ATAD2: variants seen among roughly 807,000 people sequenced by gnomAD.
The protein encoded by ATAD2 is ATPase family AAA domain-containing protein 2.
A neutral mutation model predicts 168.9 loss-of-function variants in ATAD2; 62 were observed. The observed-to-expected ratio is 0.37, with a 90% confidence interval of 0.30 to 0.45. ATAD2 has a LOEUF of 0.45. Among genes scored for constraint, ATAD2 ranks in the 20% least tolerant of loss-of-function variants. ATAD2 has a pLI of 1.00. For missense variants in ATAD2, 1,419 were observed against 1,667.8 expected, an observed-to-expected ratio of 0.85 and a Z score of 2.60; for synonymous variants, 613 against 571.6, an observed-to-expected ratio of 1.07 and a Z score of -1.03.
chr8:123,415,032 T>A (rs1813226546), intron 1 of ATAD2, among the ~76,000 whole-genome samples: 1 of 152,216 alleles, frequency 6.6e-6, no homozygotes, highest in South Asian at 2.1e-4. Flanking sequence ...GAGGTTCTGT[T>A]TTGATGTGTT....
chr8:123,355,260 C>G (rs1828605055), intron 13 of ATAD2, among the ~76,000 whole-genome samples: 1 of 152,160 alleles, frequency 6.6e-6, no homozygotes, highest in South Asian at 2.1e-4. Flanking sequence ...ACCCACCTAT[C>G]AATCACACAC....
At position 123,328,322 on chromosome 8, in the gene ATAD2, A is replaced by C. The variant is rs1275259177; in HGVS notation, c.3736T>G (p.Cys1246Gly). Residue 1246 changes from cysteine to glycine, a missense_variant, in exon 25 of 28, where the codon TGT becomes GGT. This residue lies in a region of ATAD2 where 303 missense variants were observed against 304.3 expected (regional missense o/e 1.00). Coordinates refer to ENST00000287394, the MANE Select transcript of ATAD2 (RefSeq NM_014109.4). Reference sequence around the variant, plus strand: ...TCTTCAAGCTCATTCTCTATATTACAAGTATTTGAATTATTTCTCAATTCC... The same window carrying C: ...TCTTCAAGCTCATTCTCTATATTACCAGTATTTGAATTATTTCTCAATTCC... ...KLELRNNSNT[C>G]NIENELEDSR... The C allele has an allele frequency of 6.2e-7, 1 of 1,606,824 alleles. No individual in the cohort carries two copies.
intron 8 of ATAD2, among the ~76,000 whole-genome samples, chr8:123,367,986 T>A (rs1257376990): frequency 6.6e-6 from 1 of 152,244 alleles, no homozygotes; most frequent in Non-Finnish European, 1.5e-5. Context: ...GTCTTACTTC[T>A]GAGAAAATTC....
At chr8:123,358,712 ATGGTACATTACTTTTTTTTTTTTTT>A (rs1413674480) in intron 11 of ATAD2, among the ~76,000 whole-genome samples, 5 of 130,326 alleles carry the variant, frequency 3.8e-5, no homozygotes, top group Admixed American at 3.3e-4. Context: ...TGATTGATAT[ATGGTACATTACTTTTTTTTTTTTTT>A]TTTTTTTTTT....
At chr8:123,368,192 TG>T in intron 8 of ATAD2, among the ~76,000 whole-genome samples, 1 of 152,022 alleles carries the variant, frequency 6.6e-6, no homozygotes, top group East Asian at 1.9e-4. Context: ...CTGAGGCGAG[TG>T]GATCACTTGA....
chr8:123,368,285 G>T (rs1829038289), intron 8 of ATAD2, among the ~76,000 whole-genome samples: 1 of 152,068 alleles, frequency 6.6e-6, no homozygotes, highest in Non-Finnish European at 1.5e-5. Flanking sequence ...GGGTGTAGTG[G>T]CAGGTACCTG....
At position 123,396,394 on chromosome 8, in the gene ATAD2, G is replaced by A. The variant is rs993009539; in HGVS notation, c.-37C>T. On this transcript the variant is annotated 5_prime_UTR_variant, in exon 1 of 28. Transcript: ENST00000287394. ...ACTGGCCTCGGCGTGCGCGACCGGA[G>A]AGAGATCCAGCTCCAGGCGCTCGCA... 2 of 1,524,586 alleles carry A rather than the reference G, an allele frequency of 1.3e-6. No homozygotes were observed. The highest frequency in any genetic ancestry group is 2.0e-5 in the Admixed American group (1 of 51,236). 94.4% of individuals were successfully genotyped at this position (1,524,586 alleles called of 1,614,324 possible).
chr8:123,378,350 A>G (rs1237440884), intron 2 of ATAD2, among the ~76,000 whole-genome samples: 3 of 152,218 alleles, frequency 2.0e-5, no homozygotes. Flanking sequence ...GAAAAAAATT[A>G]AAAACTCAAA....
Position 123,349,387 on chromosome 8 carries a change from A to G in ATAD2, c.1704T>C (p.Ile568=). Residue 568 remains isoleucine (I), a synonymous_variant, in exon 14 of 28, where the codon ATT becomes ATC. Transcript: ENST00000287394. The part of the protein sequence containing the change: ...LMDGLDSRGE[I]VVIGATNRLD... ...GCCTGTTCGTAGCACCAATGACCACAATTTCCCCTCTGCTGTCCAATCCAT... is the reference window on the plus strand; with the variant it reads ...GCCTGTTCGTAGCACCAATGACCACGATTTCCCCTCTGCTGTCCAATCCAT... 2 of 1,614,112 alleles carry G rather than the reference A, an allele frequency of 1.2e-6. No homozygotes were observed. The highest frequency in any genetic ancestry group is 1.7e-6 in the Non-Finnish European group (2 of 1,180,010).
intron 27 of ATAD2, among the ~76,000 whole-genome samples, chr8:123,322,670 A>G (rs1282399644): frequency 7.3e-6 from 1 of 136,712 alleles, no homozygotes; most frequent in Non-Finnish European, 1.5e-5. Flanking sequence ...CCCTGTCTCT[A>G]AATAAATAAA....
rs574617050 is a variant in ATAD2, at chr8:123,331,221, G to A, written c.3479-2642C>T. On this transcript the variant is annotated intron_variant, in intron 24 of 27. Transcript: ENST00000287394. The stretch of plus-strand genomic sequence containing the variant: ...CTCCCAAAGTGTTGGGATTACAGGC[G>A]TGAGCCACTGCGCCTGGTATTCTTT... Among the ~76,000 whole-genome samples the A allele has an allele frequency of 4.6e-5, 7 of 152,232 alleles. No homozygotes were observed. In the South Asian group the frequency reaches 1.5e-3, roughly 32 times the overall value.
At chr8:123,337,318 G>T (rs532706890) in intron 21 of ATAD2, among the ~76,000 whole-genome samples, 2 of 151,892 alleles carry the variant, frequency 1.3e-5, no homozygotes, top group Admixed American at 1.3e-4. Context: ...AGCCGAGATC[G>T]CGCCATTGCA....
intron 8 of ATAD2, among the ~76,000 whole-genome samples, chr8:123,366,244 C>T (rs75207378): frequency 0.025 from 3,781 of 152,174 alleles, 149 homozygotes; most frequent in African/African-American, 0.086. Context: ...GCAAAAATGG[C>T]TATAATCAAA....
intron 17 of ATAD2, 60 bp downstream of exon 17, chr8:123,346,558 C>T: frequency 1.4e-6 from 2 of 1,394,942 alleles, no homozygotes; most frequent in Non-Finnish European, 1.9e-6. Context: ...TCAACCACAT[C>T]TCATTTATTT....
In ATAD2 at chr8:123,377,843, T is replaced by C. The variant is rs188925126; in HGVS notation, c.320+2686A>G. On this transcript the variant is annotated intron_variant, in intron 2 of 27. Coordinates refer to ENST00000287394, the MANE Select transcript of ATAD2 (RefSeq NM_014109.4). ...TATGTATTCAGGTCTGATTCTGTTC[T>C]TATCTCATTAATCTAAGATAACTAA... is the stretch of plus-strand genomic sequence containing the variant. Among the ~76,000 whole-genome samples the C allele has an allele frequency of 1.2e-4, 18 of 152,236 alleles. 1 individual carries two copies. Among genetic ancestry groups the C allele is most frequent in the African/African-American group, 4.3e-4 (18 of 41,468 alleles).
chr8:123,349,969 T>G (rs558970509), intron 13 of ATAD2, among the ~76,000 whole-genome samples: 1 of 151,166 alleles, frequency 6.6e-6, no homozygotes, highest in African/African-American at 2.4e-5. Context: ...TGAGCCAAGA[T>G]TGCACCACTG....
At chr8:123,325,439 C>T (rs930469545) in intron 26 of ATAD2, among the ~76,000 whole-genome samples, 6 of 152,070 alleles carry the variant, frequency 3.9e-5, no homozygotes, top group South Asian at 2.1e-4. Context: ...CCAGCCACCA[C>T]GCCCAGCTAA....
At position 123,413,136 on chromosome 8, in the gene ATAD2, A is replaced by G. The variant is rs188350641; in HGVS notation, c.-2282+3112T>C. Among the ~76,000 whole-genome samples the G allele has an allele frequency of 1.6e-4, 24 of 152,068 alleles. No individual in the cohort carries two copies. In the East Asian group the frequency reaches 4.4e-3, roughly 28 times the overall value. ...GTGGGAGGATAGAATCCTAACTTAGATAACTGCCAGCTAGCAGACACGACT... is the reference window on the plus strand; with the variant it reads ...GTGGGAGGATAGAATCCTAACTTAGGTAACTGCCAGCTAGCAGACACGACT... On this transcript the variant is annotated intron_variant, in intron 1 of 28. Transcript: ENST00000521903.
At chr8:123,378,504 C>A (rs1829389661) in intron 2 of ATAD2, among the ~76,000 whole-genome samples, 1 of 151,844 alleles carries the variant, frequency 6.6e-6, no homozygotes. Context: ...GAGTTCGAGA[C>A]CAGCCTGGCC....
Sources: gnomAD v4.1 joint callset for allele counts (sites outside exome capture counted in the v4.1 genomes callset) on GRCh38, gnomAD v4.1.1 for gene constraint, gnomAD v4.1.1 regional missense constraint, MANE v1.5 for transcripts, NCBI Gene and HGNC (gene_info 2026-07-23, HGNC 2026-07-21) for gene names.